TBX19: variants seen among roughly 807,000 people sequenced by gnomAD.
The protein encoded by TBX19 is T-box transcription factor 19.
A neutral mutation model predicts 40.9 loss-of-function variants in TBX19; 33 were observed. The observed-to-expected ratio is 0.81, with a 90% CI of 0.61 to 1.08. TBX19 has a LOEUF of 1.08. Among genes scored for constraint, TBX19 ranks in the 50% least tolerant of loss-of-function variants. TBX19 has a pLI of 0.00. For missense variants in TBX19, 494 were observed against 574.0 expected (o/e 0.86, Z 1.42); for synonymous variants, 220 against 225.0 (o/e 0.98, Z 0.20).
At chr1:168,291,913 CCAAA>C (rs373272039) in intron 2 of TBX19, among the ~76,000 whole-genome samples, 2 of 152,192 alleles carry the variant, frequency 1.3e-5, no homozygotes, top group East Asian at 3.9e-4. Context: ...AAAAAAAAAT[CCAAA>C]CAAACCTTCC....
At chr1:168,299,907 C>A (rs138641358) in intron 4 of TBX19, among the ~76,000 whole-genome samples, 2 of 152,268 alleles carry the variant, frequency 1.3e-5, no homozygotes, top group East Asian at 1.9e-4. Flanking sequence ...TGGTATAATA[C>A]AAAGAATTTA....
At position 168,294,526 on chromosome 1, in the gene TBX19, G is replaced by A. The variant is rs181101850; in HGVS notation, c.603+1248G>A. On this transcript the variant is annotated intron_variant, in intron 3 of 7. Coordinates refer to ENST00000367821, the MANE Select transcript of TBX19 (RefSeq NM_005149.3). ...TTTTTTTTTGTTTTTTTTTGAGACA[G>A]AGTCTCACTCTGTCACCCAGGCTGG... Among the ~76,000 whole-genome samples the A allele has an allele frequency of 5.3e-5, 8 of 150,422 alleles. No homozygotes were observed. In the Middle Eastern group the frequency reaches 0.014, roughly 258 times the overall value.
At chr1:168,290,573 C>G (rs971650067) in intron 1 of TBX19, among the ~76,000 whole-genome samples, 1 of 152,102 alleles carries the variant, frequency 6.6e-6, no homozygotes, top group African/African-American at 2.4e-5. Context: ...TTTTTTGAGA[C>G]AGGGTCTCAC....
intron 3 of TBX19, 85 bp downstream of exon 3, chr1:168,293,363 G>A: frequency 2.7e-6 from 4 of 1,489,924 alleles, no homozygotes; most frequent in Non-Finnish European, 3.6e-6. Flanking sequence ...GATGGGCGGG[G>A]GGGGTCCTTT....
Position 168,299,117 on chromosome 1 carries a change from G to A in TBX19, c.666-1305G>A, listed in dbSNP as rs1649213761. ...TTATTTTTAGTGGAGACAGGGTTTT[G>A]CCATGTTGGCCAGGCTGGTCTTGAA... is the stretch of plus-strand genomic sequence containing the variant. On this transcript the variant is annotated intron_variant, in intron 4 of 7. Transcript: ENST00000367821. Among the ~76,000 whole-genome samples the A allele has an allele frequency of 2.0e-5, 3 of 151,300 alleles. No individual in the cohort carries two copies. The South Asian group carries it at 6.3e-4, about 32-fold the overall frequency.
chr1:168,296,837 G>A (rs1231463900), intron 3 of TBX19, among the ~76,000 whole-genome samples: 2 of 151,626 alleles, frequency 1.3e-5, no homozygotes, highest in Admixed American at 1.3e-4. Flanking sequence ...TTGAGCTACT[G>A]TACTCCAGCC....
In TBX19 at chr1:168,305,161, C is replaced by G. The variant is rs1416318448; in HGVS notation, c.881C>G (p.Pro294Arg). Residue 294 changes from proline (P) to arginine (R), a missense_variant, in exon 6 of 8, where the codon CCT becomes CGT. By Grantham distance (103) the Pro-to-Arg change is moderately radical (BLOSUM62 -2). Transcript: ENST00000367821. ...GLRGHRQAPY[P>R]SAYMHRNHSP... The stretch of plus-strand genomic sequence containing the variant: ...CGAGGACACCGGCAGGCTCCCTACC[C>G]TTCTGCGTACATGCACAGAAACCAT... 5.6e-6 allele frequency: 9 copies of G among 1,613,320 alleles called. No individual in the cohort carries two copies. The Admixed American group carries it at 1.5e-4, about 27-fold the overall frequency.
chr1:168,283,932 T>C (rs1431725514), intron 1 of TBX19, among the ~76,000 whole-genome samples: 2 of 152,216 alleles, frequency 1.3e-5, no homozygotes, highest in East Asian at 3.9e-4. Context: ...GTGAAAAGAC[T>C]CATTGTCAAG....
In TBX19 at chr1:168,293,222, A is replaced by G. The variant is rs772892788; in HGVS notation, c.547A>G (p.Asn183Asp). 2 of 1,613,704 alleles carry G rather than the reference A, an allele frequency of 1.2e-6. No homozygotes were observed. The highest frequency in any genetic ancestry group is 3.3e-5 in the Admixed American group (2 of 59,980). The change falls in exon 3 of 8, where the codon AAC becomes GAC. Residue 183 changes from asparagine to aspartate, a missense_variant. Physicochemically the swap from Asn to Asp is conservative, Grantham distance 23. This residue lies in a region of TBX19 where 201 missense variants were observed against 235.2 expected (regional missense o/e 0.85). Coordinates refer to ENST00000367821, the MANE Select transcript of TBX19 (RefSeq NM_005149.3). ...RVGSAHRMVT[N>D]CSFPETQFIA... Reference sequence around the variant, plus strand: ...TGGAAGTGCCCATCGAATGGTAACAAACTGCTCCTTCCCTGAAACCCAGTT... The same window carrying G: ...TGGAAGTGCCCATCGAATGGTAACAGACTGCTCCTTCCCTGAAACCCAGTT...
At chr1:168,307,370 G>A (rs11800496) in intron 6 of TBX19, among the ~76,000 whole-genome samples, 54,132 of 151,950 alleles carry the variant, frequency 0.36, 9,800 homozygotes, top group Middle Eastern at 0.41. Context: ...CATTGCGAAA[G>A]GCATCACATG....
intron 3 of TBX19, among the ~76,000 whole-genome samples, chr1:168,296,331 TAAAG>T (rs1649103700): frequency 6.6e-6 from 1 of 152,150 alleles, no homozygotes; most frequent in Admixed American, 6.5e-5. Flanking sequence ...ACGCTGCTAA[TAAAG>T]ACATACCTGA....
chr1:168,284,114 T>C (rs1222916852), intron 1 of TBX19, among the ~76,000 whole-genome samples: 1 of 152,198 alleles, frequency 6.6e-6, no homozygotes, highest in African/African-American at 2.4e-5. Flanking sequence ...TTCCTCCTTT[T>C]CTTTCTTTCT....
chr1:168,308,144 AT>A (rs72183595), intron 6 of TBX19: 63,332 of 146,570 alleles, frequency 0.43, 13,511 homozygotes, highest in African/African-American at 0.51. Flanking sequence ...TTTTTTCTTA[AT>A]TTTTTTTTTT....
intron 3 of TBX19, among the ~76,000 whole-genome samples, chr1:168,294,754 G>A (rs1649057919): frequency 6.6e-6 from 1 of 152,018 alleles, no homozygotes; most frequent in Non-Finnish European, 1.5e-5. Flanking sequence ...CATCCACCTC[G>A]GCTTCCCAAA....
At chr1:168,287,983 C>T (rs1208663681) in intron 1 of TBX19, among the ~76,000 whole-genome samples, 1 of 151,698 alleles carries the variant, frequency 6.6e-6, no homozygotes, top group Non-Finnish European at 1.5e-5. Flanking sequence ...GCATAATAAC[C>T]TCCTTGTGGG....
At chr1:168,287,972 G>A (rs1179205774) in intron 1 of TBX19, among the ~76,000 whole-genome samples, 1 of 151,644 alleles carries the variant, frequency 6.6e-6, no homozygotes, top group African/African-American at 2.4e-5. Context: ...CTATAAAATT[G>A]GCATAATAAC....
intron 1 of TBX19, among the ~76,000 whole-genome samples, chr1:168,286,085 T>C (rs1369121004): frequency 6.6e-6 from 1 of 152,248 alleles, no homozygotes; most frequent in Non-Finnish European, 1.5e-5. Flanking sequence ...TTTCTCAGTT[T>C]ATTTACGTAG....
chr1:168,301,406 G>T (rs981416633), intron 5 of TBX19, among the ~76,000 whole-genome samples: 1 of 152,124 alleles, frequency 6.6e-6, no homozygotes, highest in African/African-American at 2.4e-5. Context: ...GGGCCCACAG[G>T]CATGTGCCAC....
At chr1:168,306,684 A>G (rs1453317938) in intron 6 of TBX19, among the ~76,000 whole-genome samples, 3 of 151,706 alleles carry the variant, frequency 2.0e-5, no homozygotes, top group African/African-American at 7.3e-5. Context: ...TCGGGGTTAC[A>G]CAAATACGTA....
Sources: gnomAD v4.1 joint callset for allele counts (sites outside exome capture counted in the v4.1 genomes callset) on GRCh38, gnomAD v4.1.1 for gene constraint, gnomAD v4.1.1 regional missense constraint, MANE v1.5 for transcripts, NCBI Gene and HGNC (gene_info 2026-07-23, HGNC 2026-07-21) for gene names.